FOXP1: variants seen among roughly 807,000 people sequenced by gnomAD.
FOXP1 encodes forkhead box P1.
Under a neutral mutation model 98.2 loss-of-function variants are expected in FOXP1, and 15 were observed. That is an observed-to-expected ratio of 0.15 (90% CI 0.10 to 0.24). The LOEUF (loss-of-function observed/expected upper bound fraction) is 0.24. FOXP1 is among the 10% of genes least tolerant of loss of function. The pLI, the probability that FOXP1 is intolerant of heterozygous loss-of-function variation, is 1.00. For synonymous variants in FOXP1, 371 were observed against 314.5 expected (o/e 1.18, Z -1.90); for missense variants, 633 against 848.5 (o/e 0.75, Z 3.15).
rs117948844 is a variant in FOXP1, at chr3:71,470,463, G to A, written c.-168+22963C>T. ...TCCTTAAAAAACAACGTTTGAGGCCGGTGCGGTGGCTCACGCCTTTAATCC... is the reference window on the plus strand; with the variant it reads ...TCCTTAAAAAACAACGTTTGAGGCCAGTGCGGTGGCTCACGCCTTTAATCC... On this transcript the variant is annotated intron_variant, in intron 3 of 20. Transcript: ENST00000649528. Among the ~76,000 whole-genome samples the A allele has an allele frequency of 1.1e-3, 164 of 152,288 alleles. 3 individuals carry two copies. The East Asian group carries it at 0.028, about 26-fold the overall frequency.
intron 2 of FOXP1, among the ~76,000 whole-genome samples, chr3:71,565,476 A>T (rs946989006): frequency 1.3e-5 from 2 of 152,214 alleles, no homozygotes; most frequent in Non-Finnish European, 2.9e-5. Context: ...ACTCTTAATA[A>T]GAAATTCAAA....
intron 6 of FOXP1, among the ~76,000 whole-genome samples, chr3:71,174,080 C>T (rs1399443815): frequency 1.3e-5 from 2 of 152,132 alleles, no homozygotes; most frequent in African/African-American, 4.8e-5. Flanking sequence ...TAAAGTTTTA[C>T]TAGAACACAG....
chr3:71,399,803 C>T (rs955200729), intron 3 of FOXP1, among the ~76,000 whole-genome samples: 1 of 152,200 alleles, frequency 6.6e-6, no homozygotes, highest in African/African-American at 2.4e-5. Context: ...ACTCTCTGCA[C>T]CTCTTACAAA....
At chr3:71,243,642 A>AT (rs929881524) in intron 5 of FOXP1, among the ~76,000 whole-genome samples, 2 of 152,068 alleles carry the variant, frequency 1.3e-5, no homozygotes, top group East Asian at 1.9e-4. Flanking sequence ...ACCAACTTTG[A>AT]TTTTTTTTAA....
At position 71,037,858 on chromosome 3, in the gene FOXP1, T is replaced by C. The variant is rs575968743; in HGVS notation, c.869+3470A>G. 3.9e-5 allele frequency among the ~76,000 whole-genome samples: 6 copies of C among 152,336 alleles called. No homozygotes were observed. In the East Asian group the frequency reaches 5.8e-4, roughly 15 times the overall value. On this transcript the variant is annotated intron_variant, in intron 11 of 20. Transcript: ENST00000649528. ...CTCCTCCCGTAATAGTGCTGAATAT[T>C]GATAAATGTCTCTACCCTGCGCAAC...
At chr3:70,987,773 T>C (rs549096643) in intron 14 of FOXP1, among the ~76,000 whole-genome samples, 25 of 152,326 alleles carry the variant, frequency 1.6e-4, no homozygotes, top group African/African-American at 4.8e-4. Flanking sequence ...TTGAGTCTTA[T>C]GGGCAAGGAC....
At chr3:71,395,363 C>A (rs1052291050) in intron 3 of FOXP1, among the ~76,000 whole-genome samples, 3 of 148,070 alleles carry the variant, frequency 2.0e-5, no homozygotes, top group Non-Finnish European at 4.5e-5. Context: ...TCTTGTATGC[C>A]TTTTTTCTGT....
chr3:71,241,704 G>A (rs1371866722), intron 5 of FOXP1, among the ~76,000 whole-genome samples: 2 of 152,212 alleles, frequency 1.3e-5, no homozygotes, highest in African/African-American at 4.8e-5. Context: ...GGCATGTACA[G>A]TATGCAAATG....
At chr3:71,478,822 G>A (rs1317203623) in intron 3 of FOXP1, among the ~76,000 whole-genome samples, 3 of 152,174 alleles carry the variant, frequency 2.0e-5, no homozygotes, top group Admixed American at 1.3e-4. Context: ...ACCATGTTCA[G>A]GAAATGTGTT....
At chr3:71,187,022 A>T (rs765614861) in intron 6 of FOXP1, among the ~76,000 whole-genome samples, 101 of 152,376 alleles carry the variant, frequency 6.6e-4, no homozygotes, top group Middle Eastern at 3.4e-3. Context: ...GTGTTTCAAC[A>T]GAACTTTTAT....
At chr3:71,565,580 C>T (rs1228236830) in intron 2 of FOXP1, among the ~76,000 whole-genome samples, 2 of 152,136 alleles carry the variant, frequency 1.3e-5, no homozygotes, top group South Asian at 2.1e-4. Context: ...AAAGAAAAAG[C>T]GGCAGCTTAT....
At chr3:71,549,612 C>T (rs573423424) in intron 2 of FOXP1, among the ~76,000 whole-genome samples, 1 of 152,174 alleles carries the variant, frequency 6.6e-6, no homozygotes, top group South Asian at 2.1e-4. Flanking sequence ...TGGCCTCAGG[C>T]GATCCACCCA....
intron 2 of FOXP1, 144 bp downstream of exon 2, chr3:71,581,405 G>C: frequency 1.0e-6 from 1 of 985,488 alleles, no homozygotes; most frequent in Non-Finnish European, 1.2e-6. Context: ...CTACCGGCCT[G>C]AGGATGGGCA....
intron 2 of FOXP1, among the ~76,000 whole-genome samples, chr3:71,577,902 C>T (rs2047853972): frequency 1.3e-5 from 2 of 152,088 alleles, no homozygotes; most frequent in South Asian, 4.2e-4. Context: ...AAAACAAACC[C>T]CTACCTGCTT....
intron 3 of FOXP1, among the ~76,000 whole-genome samples, chr3:71,469,232 C>T (rs1418494132): frequency 6.6e-6 from 1 of 152,190 alleles, no homozygotes; most frequent in Non-Finnish European, 1.5e-5. Flanking sequence ...CTTTATACTG[C>T]ATTTGTGGAT....
intron 2 of FOXP1, among the ~76,000 whole-genome samples, chr3:71,500,663 C>T (rs1176242414): frequency 6.6e-6 from 1 of 152,170 alleles, no homozygotes. Context: ...AGAAGCCACT[C>T]ATTCTACATC....
intron 6 of FOXP1, among the ~76,000 whole-genome samples, chr3:71,185,880 CT>C (rs1375207028): frequency 6.6e-6 from 1 of 152,176 alleles, no homozygotes. Flanking sequence ...TCTTTCCTAA[CT>C]TCACCAAGGT....
chr3:71,246,806 T>C (rs2067784394), intron 5 of FOXP1, among the ~76,000 whole-genome samples: 1 of 152,236 alleles, frequency 6.6e-6, no homozygotes, highest in Admixed American at 6.5e-5. Flanking sequence ...CCGTCACTCT[T>C]CATCGTATAG....
At chr3:71,310,563 C>A (rs1022804168) in intron 4 of FOXP1, among the ~76,000 whole-genome samples, 1 of 152,242 alleles carries the variant, frequency 6.6e-6, no homozygotes, top group East Asian at 1.9e-4. Flanking sequence ...AGGGCCACGT[C>A]TGGTTTACTT....
Sources: allele counts gnomAD v4.1 joint callset (sites outside exome capture counted in the v4.1 genomes callset), GRCh38; gene constraint gnomAD v4.1.1; transcripts MANE v1.5; gene names NCBI Gene and HGNC (gene_info 2026-07-23, HGNC 2026-07-21).